H2AC1: variants seen among roughly 807,000 people sequenced by gnomAD.
H2AC1 encodes H2A clustered histone 1.
For synonymous variants in H2AC1, 145 were observed against 70.0 expected (o/e 2.07, Z -5.35); for missense variants, 218 against 173.8 (o/e 1.25, Z -1.43).
In H2AC1 at chr6:25,726,074, GAA is replaced by G; in HGVS notation, c.*56_*57del. ...TTTTTCTGAGACGGTAGGTGGCTCT[GAA>G]AAGAGCCTTTTGTTTTTTCTGACAC... On this transcript the variant is annotated 3_prime_UTR_variant, in exon 1 of 1. Transcript: ENST00000297012. 2.1e-6 allele frequency: 3 copies of G among 1,453,396 alleles called. No individual in the cohort carries two copies. The highest frequency in any genetic ancestry group is 2.8e-6 in the Non-Finnish European group (3 of 1,083,022). The allele number at this position is 1,453,396 out of a possible 1,614,324, so 90.0% of individuals were successfully genotyped here.
rs144559425 is a variant in H2AC1, at chr6:25,726,282, G to A, written c.246C>T (p.Arg82=). ...CATTGCGGATCGCTAGCTGCAGGTG[G>A]CGGGGAATAATGCGAGTTTTTTTGT... ...RDNKKTRIIP[R]HLQLAIRNDE... The change falls in exon 1 of 1, where the codon CGC becomes CGT. Residue 82 remains arginine, a synonymous_variant. Coordinates refer to ENST00000297012, the MANE Select transcript of H2AC1 (RefSeq NM_170745.3). The A allele has an allele frequency of 2.5e-5, 41 of 1,613,978 alleles. No homozygotes were observed. The African/African-American group carries it at 4.0e-4, about 16-fold the overall frequency.
rs1561779615 is a variant in H2AC1 at position 25,726,471 on chromosome 6, A to G, written c.57T>C (p.Ser19=). 7 of 1,613,906 alleles carry G rather than the reference A, an allele frequency of 4.3e-6. No individual in the cohort carries two copies. Among genetic ancestry groups the G allele is most frequent in the Non-Finnish European group, 5.9e-6 (7 of 1,180,000 alleles). The change falls in exon 1 of 1, where the codon TCT becomes TCC. Residue 19 remains serine, a synonymous_variant. Coordinates refer to ENST00000297012, the MANE Select transcript of H2AC1 (RefSeq NM_170745.3). ...GKARAKSKSR[S]SRAGLQFPVG... ...CGGGAAACTGCAAACCCGCTCTAGA[A>G]GAGCGAGACTTAGACTTGGCGCGTG... is the stretch of plus-strand genomic sequence containing the variant.
chr6:25,726,149 T>C lies in H2AC1; in HGVS notation c.379A>G (p.Lys127Glu), dbSNP rs1760232265. Residue 127 changes from lysine (K) to glutamate (E), a missense_variant, in exon 1 of 1, where the codon AAA becomes GAA. Lys to Glu is a moderately conservative substitution (Grantham distance 56). Transcript: ENST00000297012. ...ACCTTAAGTTACTTGCTTTGGGCTT[T>C]ATGGTGGTGACTCTCAGTCTTCTTG... ...LPKKTESHHH[K>E]AQSK 2 of 1,550,062 alleles carry C rather than the reference T, an allele frequency of 1.3e-6. No homozygotes were observed. The highest frequency in any genetic ancestry group is 1.7e-6 in the Non-Finnish European group (2 of 1,147,580).
In H2AC1 at chr6:25,726,524, A is replaced by G. The variant is rs752840505; in HGVS notation, c.4T>C (p.Ser2Pro). ...TTTCCTCCCTGCTTCCCTCGTCCAGACATCTCCTCGCATCAAATTGCAGCA... is the reference window on the plus strand; with the variant it reads ...TTTCCTCCCTGCTTCCCTCGTCCAGGCATCTCCTCGCATCAAATTGCAGCA... M[S>P]GRGKQGGKAR... The change falls in exon 1 of 1, where the codon TCT becomes CCT. Residue 2 changes from serine to proline, a missense_variant. Ser to Pro is a moderately conservative substitution (Grantham distance 74). Transcript: ENST00000297012. 6.2e-7 allele frequency: 1 copy of G among 1,605,978 alleles called. No homozygotes were observed. The highest frequency in any genetic ancestry group is 8.5e-7 in the Non-Finnish European group (1 of 1,174,268).
rs373347031 is a variant in H2AC1 at position 25,726,466 on chromosome 6, C to A, written c.62G>T (p.Arg21Ile). 100 of 1,613,856 alleles carry A rather than the reference C, an allele frequency of 6.2e-5. No homozygotes were observed. Among genetic ancestry groups the A allele is most frequent in the Admixed American group, 8.3e-5 (5 of 60,008 alleles). Reference sequence around the variant, plus strand: ...GCCTACGGGAAACTGCAAACCCGCTCTAGAAGAGCGAGACTTAGACTTGGC... The same window carrying A: ...GCCTACGGGAAACTGCAAACCCGCTATAGAAGAGCGAGACTTAGACTTGGC... ...ARAKSKSRSSRAGLQFPVGRI... is the reference protein window; with the variant it reads ...ARAKSKSRSSIAGLQFPVGRI... Residue 21 changes from arginine (R) to isoleucine (I), a missense_variant, in exon 1 of 1, where the codon AGA becomes ATA. By Grantham distance (97) the Arg-to-Ile change is moderately conservative. Transcript: ENST00000297012.
rs746365522 is a variant in H2AC1 at position 25,726,287 on chromosome 6, G to A, written c.241C>T (p.Pro81Ser). Residue 81 changes from proline (P) to serine (S), a missense_variant, in exon 1 of 1, where the codon CCC becomes TCC. Pro to Ser is a moderately conservative substitution (Grantham distance 74, BLOSUM62 -1). Coordinates refer to ENST00000297012, the MANE Select transcript of H2AC1 (RefSeq NM_170745.3). ...SRDNKKTRII[P>S]RHLQLAIRND... ...CGGATCGCTAGCTGCAGGTGGCGGG[G>A]AATAATGCGAGTTTTTTTGTTATCG... 3 of 1,614,084 alleles carry A rather than the reference G, an allele frequency of 1.9e-6. No homozygotes were observed. Among genetic ancestry groups the A allele is most frequent in the Admixed American group, 1.7e-5 (1 of 60,010 alleles).
Position 25,726,357 on chromosome 6 carries a change from C to T in H2AC1, c.171G>A (p.Glu57=). 5 of 1,614,150 alleles carry T rather than the reference C, an allele frequency of 3.1e-6. No individual in the cohort carries two copies. Among genetic ancestry groups the T allele is most frequent in the Non-Finnish European group, 4.2e-6 (5 of 1,180,032 alleles). The change falls in exon 1 of 1, where the codon GAG becomes GAA. Residue 57 remains glutamate (E), a synonymous_variant. Coordinates refer to ENST00000297012, the MANE Select transcript of H2AC1 (RefSeq NM_170745.3). ...GAPVYLAAVL[E]YLTAEILELA... ...GCTCAAGGATTTCTGCTGTGAGATA[C>T]TCTAACACTGCCGCCAAATACACTG...
rs9358871 is a variant in H2AC1 at position 25,726,447 on chromosome 6, G to A, written c.81C>T (p.Pro27=). Residue 27 remains proline (P), a synonymous_variant, in exon 1 of 1, where the codon CCC becomes CCT. Coordinates refer to ENST00000297012, the MANE Select transcript of H2AC1 (RefSeq NM_170745.3). Reference sequence around the variant, plus strand: ...GAAGCAGACGATGGATCCGGCCTACGGGAAACTGCAAACCCGCTCTAGAAG... The same window carrying A: ...GAAGCAGACGATGGATCCGGCCTACAGGAAACTGCAAACCCGCTCTAGAAG... ...SRSSRAGLQF[P]VGRIHRLLRK... 482,972 of 1,613,744 alleles carry A rather than the reference G, an allele frequency of 0.3. 80,170 individuals are homozygous for A. The highest frequency in any genetic ancestry group is 0.71 in the East Asian group (31,926 of 44,862).
In H2AC1 at chr6:25,726,259, T is replaced by C. The variant is rs755024291; in HGVS notation, c.269A>G (p.Asn90Ser). 1.9e-5 allele frequency: 31 copies of C among 1,614,004 alleles called. No homozygotes were observed. The Admixed American group carries it at 2.0e-4, about 10-fold the overall frequency. Residue 90 changes from asparagine (N) to serine (S), a missense_variant, in exon 1 of 1, where the codon AAT becomes AGT. Physicochemically the swap from Asn to Ser is conservative, Grantham distance 46 (BLOSUM62 1). Transcript: ENST00000297012. ...IPRHLQLAIR[N>S]DEELNKLLGG... ...CAAAAGCTTATTGAGTTCCTCATCA[T>C]TGCGGATCGCTAGCTGCAGGTGGCG...
At position 25,726,508 on chromosome 6, in the gene H2AC1, T is replaced by C; in HGVS notation, c.20A>G (p.Gln7Arg). 3.1e-6 allele frequency: 5 copies of C among 1,610,820 alleles called. No homozygotes were observed. Among genetic ancestry groups the C allele is most frequent in the Non-Finnish European group, 4.2e-6 (5 of 1,177,622 alleles). Reference protein sequence around the residue: MSGRGKQGGKARAKSKS... With the variant: MSGRGKRGGKARAKSKS... ...AGACTTGGCGCGTGCTTTTCCTCCC[T>C]GCTTCCCTCGTCCAGACATCTCCTC... Residue 7 changes from glutamine (Q) to arginine (R), a missense_variant, in exon 1 of 1, where the codon CAG becomes CGG. By Grantham distance (43) the Gln-to-Arg change is conservative. Coordinates refer to ENST00000297012, the MANE Select transcript of H2AC1 (RefSeq NM_170745.3).
rs368562425 is a variant in H2AC1 at position 25,726,153 on chromosome 6, G to A, written c.375C>T (p.His125=). ...VLLPKKTESH[H]HKAQSK is the part of the protein sequence containing the mutation. ...TAAGTTACTTGCTTTGGGCTTTATG[G>A]TGGTGACTCTCAGTCTTCTTGGGCA... Residue 125 remains histidine, a synonymous_variant, in exon 1 of 1, where the codon CAC becomes CAT. Transcript: ENST00000297012. 3.2e-6 allele frequency: 5 copies of A among 1,554,606 alleles called. No individual in the cohort carries two copies. The highest frequency in any genetic ancestry group is 2.7e-5 in the African/African-American group (2 of 72,774).
In H2AC1 at chr6:25,726,374, A is replaced by G. The variant is rs780635723; in HGVS notation, c.154T>C (p.Leu52=). Residue 52 remains leucine, a synonymous_variant, in exon 1 of 1, where the codon TTG becomes CTG. Coordinates refer to ENST00000297012, the MANE Select transcript of H2AC1 (RefSeq NM_170745.3). ...GTGAGATACTCTAACACTGCCGCCAAATACACTGGTGCGCCTGCCCCTATC... is the reference window on the plus strand; with the variant it reads ...GTGAGATACTCTAACACTGCCGCCAGATACACTGGTGCGCCTGCCCCTATC... ...ERIGAGAPVY[L]AAVLEYLTAE... 4 of 1,614,132 alleles carry G rather than the reference A, an allele frequency of 2.5e-6. No individual in the cohort carries two copies. The highest frequency in any genetic ancestry group is 1.3e-5 in the African/African-American group (1 of 75,036).
At position 25,726,279 on chromosome 6, in the gene H2AC1, G is replaced by T. The variant is rs1760239691; in HGVS notation, c.249C>A (p.His83Gln). The change falls in exon 1 of 1, where the codon CAC (histidine) becomes CAA (glutamine). Residue 83 changes from histidine to glutamine, a missense_variant. Physicochemically the swap from His to Gln is conservative, Grantham distance 24 (BLOSUM62 0). Transcript: ENST00000297012. ...CATCATTGCGGATCGCTAGCTGCAG[G>T]TGGCGGGGAATAATGCGAGTTTTTT... ...DNKKTRIIPRHLQLAIRNDEE... is the reference protein window; with the variant it reads ...DNKKTRIIPRQLQLAIRNDEE... 6.2e-7 allele frequency: 1 copy of T among 1,613,990 alleles called. No homozygotes were observed. The highest frequency in any genetic ancestry group is 8.5e-7 in the Non-Finnish European group (1 of 1,179,988).
In H2AC1 at chr6:25,726,398, T is replaced by C. The variant is rs1393554765; in HGVS notation, c.130A>G (p.Ile44Val). The C allele has an allele frequency of 6.2e-7, 1 of 1,614,032 alleles. No homozygotes were observed. The highest frequency in any genetic ancestry group is 1.3e-5 in the African/African-American group (1 of 74,912). The change falls in exon 1 of 1, where the codon ATA becomes GTA. Residue 44 changes from isoleucine (I) to valine (V), a missense_variant. By Grantham distance (29) the Ile-to-Val change is conservative. Transcript: ENST00000297012. Reference protein sequence around the residue: ...LLRKGNYAERIGAGAPVYLAA... With the variant: ...LLRKGNYAERVGAGAPVYLAA... ...AAATACACTGGTGCGCCTGCCCCTATCCGCTCTGCATAGTTTCCCTTACGA... is the reference window on the plus strand; with the variant it reads ...AAATACACTGGTGCGCCTGCCCCTACCCGCTCTGCATAGTTTCCCTTACGA...
At position 25,726,428 on chromosome 6, in the gene H2AC1, G is replaced by A. The variant is rs763147313; in HGVS notation, c.100C>T (p.Leu34=). Residue 34 remains leucine (L), a synonymous_variant, in exon 1 of 1, where the codon CTG becomes TTG. Coordinates refer to ENST00000297012, the MANE Select transcript of H2AC1 (RefSeq NM_170745.3). The part of the protein sequence containing the change: ...LQFPVGRIHR[L]LRKGNYAERI... ...TCTGCATAGTTTCCCTTACGAAGCA[G>A]ACGATGGATCCGGCCTACGGGAAAC... 13 of 1,614,116 alleles carry A rather than the reference G, an allele frequency of 8.1e-6. No individual in the cohort carries two copies. In the South Asian group the frequency reaches 8.8e-5, roughly 11 times the overall value.
In H2AC1 at chr6:25,726,495, T is replaced by C; in HGVS notation, c.33A>G (p.Ala11=). The change falls in exon 1 of 1, where the codon GCA becomes GCG. Residue 11 remains alanine (A), a synonymous_variant. Coordinates refer to ENST00000297012, the MANE Select transcript of H2AC1 (RefSeq NM_170745.3). Reference sequence around the variant, plus strand: ...AAGAGCGAGACTTAGACTTGGCGCGTGCTTTTCCTCCCTGCTTCCCTCGTC... The same window carrying C: ...AAGAGCGAGACTTAGACTTGGCGCGCGCTTTTCCTCCCTGCTTCCCTCGTC... MSGRGKQGGK[A]RAKSKSRSSR... is the part of the protein sequence containing the mutation. The C allele has an allele frequency of 6.2e-7, 1 of 1,611,936 alleles. No individual in the cohort carries two copies. The highest frequency in any genetic ancestry group is 8.5e-7 in the Non-Finnish European group (1 of 1,178,466).
chr6:25,726,544 G>A lies in H2AC1; in HGVS notation c.-17C>T, dbSNP rs774691142. The A allele has an allele frequency of 3.8e-6, 6 of 1,596,640 alleles. No individual in the cohort carries two copies. Among genetic ancestry groups the A allele is most frequent in the South Asian group, 1.1e-5 (1 of 89,126 alleles). On this transcript the variant is annotated 5_prime_UTR_variant, in exon 1 of 1. Transcript: ENST00000297012. ...TCCAGACATCTCCTCGCATCAAATT[G>A]CAGCAACACGAGAACCACATTTCTA...
In H2AC1 at chr6:25,726,336, A is replaced by G. The variant is rs1042905450; in HGVS notation, c.192T>C (p.Leu64=). 6.2e-7 allele frequency: 1 copy of G among 1,613,988 alleles called. No homozygotes were observed. Among genetic ancestry groups the G allele is most frequent in the African/African-American group, 1.3e-5 (1 of 74,894 alleles). The change falls in exon 1 of 1, where the codon CTT becomes CTC. Residue 64 remains leucine (L), a synonymous_variant. Transcript: ENST00000297012. The part of the protein sequence containing the change: ...AVLEYLTAEI[L]ELAGNASRDN... ...CGCGAGACGCATTGCCTGCCAGCTC[A>G]AGGATTTCTGCTGTGAGATACTCTA... is the stretch of plus-strand genomic sequence containing the variant.
Position 25,726,218 on chromosome 6 carries a change from C to A in H2AC1, c.310G>T (p.Ala104Ser), listed in dbSNP as rs143540809. The A allele has an allele frequency of 4.3e-6, 7 of 1,612,004 alleles. No individual in the cohort carries two copies. The African/African-American group carries it at 8.0e-5, about 18-fold the overall frequency. ...ATGTTAGGCAGGACTCCGCCCTGGG[C>A]AATGGTCACGCCGCCCAAAAGCTTA... ...LNKLLGGVTI[A>S]QGGVLPNIQA... The change falls in exon 1 of 1, where the codon GCC (alanine) becomes TCC (serine). Residue 104 changes from alanine to serine, a missense_variant. By Grantham distance (99) the Ala-to-Ser change is moderately conservative. Coordinates refer to ENST00000297012, the MANE Select transcript of H2AC1 (RefSeq NM_170745.3).
Sources: allele counts gnomAD v4.1 joint callset, GRCh38; gene constraint gnomAD v4.1.1; transcripts MANE v1.5; gene names NCBI Gene and HGNC (gene_info 2026-07-23, HGNC 2026-07-21).